The following GABRG3 variants were observed in gnomAD, a reference collection of about 807,000 sequenced individuals.
GABRG3 encodes the protein gamma-aminobutyric acid type A receptor subunit gamma3.
A neutral mutation model predicts 48.8 loss-of-function variants in GABRG3; 25 were observed. The ratio of observed to expected loss-of-function variants is 0.51; its 90% CI spans 0.37 to 0.72. GABRG3 has a LOEUF of 0.72. Among genes scored for constraint, GABRG3 ranks in the 30% least tolerant of loss-of-function variants. The pLI, the probability that GABRG3 is intolerant of heterozygous loss-of-function variation, is 0.00. For missense variants in GABRG3, 394 were observed against 577.9 expected (o/e 0.68, Z 3.26); for synonymous variants, 227 against 217.6 (o/e 1.04, Z -0.38).
At chr15:27,300,948 CAA>C (rs1165382184) in intron 3 of GABRG3, among the ~76,000 whole-genome samples, 1 of 151,986 alleles carries the variant, frequency 6.6e-6, no homozygotes, top group Admixed American at 6.6e-5. Flanking sequence ...GCCTGGGCAA[CAA>C]GAGGGAAACT....
chr15:27,307,255 TTCATA>T (rs1413012468), intron 3 of GABRG3, among the ~76,000 whole-genome samples: 3 of 80,108 alleles, frequency 3.7e-5, no homozygotes, highest in Non-Finnish European at 5.4e-5. Flanking sequence ...TATAACCATG[TTCATA>T]TTATATGTTT....
intron 5 of GABRG3, among the ~76,000 whole-genome samples, chr15:27,367,301 C>T (rs1461345635): frequency 1.3e-5 from 2 of 152,176 alleles, no homozygotes; most frequent in Middle Eastern, 3.2e-3. Flanking sequence ...CAGTCCTCCT[C>T]CTTCATCCCT....
chr15:27,504,071 CT>C lies in GABRG3; in HGVS notation c.713-15894del, dbSNP rs201458968. ...ATCTATTATTGTCTTTATTATTAAA[CT>C]TTTTTTCTTATAGGTAACCTGTAGT... is the stretch of plus-strand genomic sequence containing the variant. On this transcript the variant is annotated intron_variant, in intron 6 of 9. Transcript: ENST00000615808. Among the ~76,000 whole-genome samples, 174 of 152,054 alleles carry C rather than the reference CT, an allele frequency of 1.1e-3. 2 individuals carry two copies. The East Asian group carries it at 0.029, about 25-fold the overall frequency.
At chr15:27,142,780 GT>G (rs11366858) in intron 3 of GABRG3, among the ~76,000 whole-genome samples, 38,382 of 147,248 alleles carry the variant, frequency 0.26, 5,389 homozygotes, top group Non-Finnish European at 0.33. Flanking sequence ...TGTTTGCTTG[GT>G]TTTTTTTTTT....
intron 3 of GABRG3, among the ~76,000 whole-genome samples, chr15:27,154,851 T>G (rs1475938686): frequency 6.6e-6 from 1 of 152,188 alleles, no homozygotes; most frequent in Non-Finnish European, 1.5e-5. Flanking sequence ...TAAAATTAAT[T>G]AAATTTAGCA....
At chr15:27,483,864 C>T (rs886439382) in intron 6 of GABRG3, among the ~76,000 whole-genome samples, 16 of 152,206 alleles carry the variant, frequency 1.1e-4, no homozygotes, top group African/African-American at 3.6e-4. Flanking sequence ...CAGCTATTCT[C>T]CAAGGACAAT....
chr15:27,507,096 GTTGT>G (rs1345303094), intron 6 of GABRG3, among the ~76,000 whole-genome samples: 3 of 151,910 alleles, frequency 2.0e-5, no homozygotes, highest in Non-Finnish European at 4.4e-5. Context: ...CTACAAATGT[GTTGT>G]TTAATTGTAA....
rs1012367482 is a variant in GABRG3 at position 27,406,386 on chromosome 15, T to C, written c.575-74264T>C. ...AATATGAAAGGGGGGAAATAAAATA[T>C]CTTTACAATGGTGAGACCTGACAAA... On this transcript the variant is annotated intron_variant, in intron 5 of 9. Transcript: ENST00000615808. Among the ~76,000 whole-genome samples the C allele has an allele frequency of 7.2e-5, 11 of 152,216 alleles. No individual in the cohort carries two copies. The South Asian group carries it at 2.3e-3, about 32-fold the overall frequency.
intron 2 of GABRG3, among the ~76,000 whole-genome samples, chr15:27,003,265 C>T (rs1353566597): frequency 8.5e-5 from 12 of 141,194 alleles, no homozygotes; most frequent in Admixed American, 2.2e-4. Flanking sequence ...GGGTGTTTCT[C>T]GCAGAGGGGG....
At chr15:27,334,425 T>G (rs2140523689) in intron 5 of GABRG3, among the ~76,000 whole-genome samples, 1 of 152,310 alleles carries the variant, frequency 6.6e-6, no homozygotes, top group African/African-American at 2.4e-5. Flanking sequence ...CATTGGCAAT[T>G]GTTTAAATTA....
intron 3 of GABRG3, among the ~76,000 whole-genome samples, chr15:27,159,687 C>A (rs1898529088): frequency 6.6e-6 from 1 of 152,072 alleles, no homozygotes; most frequent in African/African-American, 2.4e-5. Context: ...CCCTTTTGTT[C>A]CCCCGCTCAC....
At chr15:27,512,387 G>A (rs1242478375) in intron 6 of GABRG3, among the ~76,000 whole-genome samples, 1 of 152,108 alleles carries the variant, frequency 6.6e-6, no homozygotes, top group Non-Finnish European at 1.5e-5. Flanking sequence ...GAGGTTGAAG[G>A]TCAGAGCAAC....
chr15:27,495,789 C>A (rs751838056), intron 6 of GABRG3, among the ~76,000 whole-genome samples: 8 of 152,188 alleles, frequency 5.3e-5, no homozygotes, highest in African/African-American at 1.9e-4. Context: ...TTTAAAAATT[C>A]ATGTAAAATT....
At chr15:27,002,761 A>AAAGG (rs1219416419) in intron 2 of GABRG3, among the ~76,000 whole-genome samples, 52 of 41,370 alleles carry the variant, frequency 1.3e-3, no homozygotes, top group African/African-American at 5.1e-3. Flanking sequence ...AAAAAAAAAA[A>AAAGG]AAGGAAGGAA....
At chr15:27,036,492 C>T (rs1314235151) in intron 3 of GABRG3, among the ~76,000 whole-genome samples, 1 of 152,152 alleles carries the variant, frequency 6.6e-6, no homozygotes. Context: ...GAGTTGGAGA[C>T]CAGCCTGACC....
rs1001803317 is a variant in GABRG3, at chr15:27,307,986, T to G, written c.271-18823T>G. ...TGTTTATATATAAACATATATAAAA[T>G]AAACATATACGTTTATAATAAACGT... On this transcript the variant is annotated intron_variant, in intron 3 of 9. Transcript: ENST00000615808. Among the ~76,000 whole-genome samples the G allele has an allele frequency of 3.1e-4, 43 of 137,636 alleles. 1 individual carries two copies. The highest frequency in any genetic ancestry group is 1.1e-3 in the African/African-American group (42 of 37,436). 90.3% of individuals were successfully genotyped at this position (137,636 alleles called of 152,430 possible).
At chr15:27,032,603 A>G (rs1896104727) in intron 3 of GABRG3, among the ~76,000 whole-genome samples, 1 of 152,122 alleles carries the variant, frequency 6.6e-6, no homozygotes. Context: ...AGCCTCTTTT[A>G]AACAACCAGA....
At chr15:27,233,967 T>C (rs1042046717) in intron 3 of GABRG3, among the ~76,000 whole-genome samples, 5 of 152,230 alleles carry the variant, frequency 3.3e-5, no homozygotes, top group Non-Finnish European at 7.3e-5. Flanking sequence ...ATTTTTTCCC[T>C]CTACATTTTG....
intron 3 of GABRG3, among the ~76,000 whole-genome samples, chr15:27,237,972 A>G (rs572862928): frequency 9.8e-5 from 15 of 152,300 alleles, no homozygotes; most frequent in Admixed American, 5.2e-4. Flanking sequence ...TAATACTGTT[A>G]TTATGTCTGG....
Sources: gnomAD v4.1 joint callset for allele counts (sites outside exome capture counted in the v4.1 genomes callset) on GRCh38, gnomAD v4.1.1 for gene constraint, MANE v1.5 for transcripts, NCBI Gene and HGNC (gene_info 2026-07-23, HGNC 2026-07-21) for gene names.